The following CIMIP6 variants were observed in gnomAD, a reference collection of about 807,000 sequenced individuals.
CIMIP6 encodes the protein uncharacterized protein C2orf73.
At chr2:54,367,317 C>G in the CIMIP6 span, among the ~76,000 whole-genome samples, 673 of 152,018 alleles carry the variant, frequency 4.4e-3, 6 homozygotes, top group African/African-American at 0.015. Context: ...GGGACTTTTT[C>G]CCTTATAGTT....
At chr2:54,335,105 A>T in the CIMIP6 span, 2 of 1,099,150 alleles carry the variant, frequency 1.8e-6, no homozygotes, top group Non-Finnish European at 2.6e-6. Context: ...ACAGACTATA[A>T]AGGATGAGAC....
chr2:54,375,071 C>G, the CIMIP6 span, among the ~76,000 whole-genome samples: 1 of 152,020 alleles, frequency 6.6e-6, no homozygotes, highest in South Asian at 2.1e-4. Context: ...TTCCAGCTAC[C>G]TTACCAGCAT....
chr2:54,334,938 T>C, the CIMIP6 span: 1 of 1,598,694 alleles, frequency 6.3e-7, no homozygotes, highest in Non-Finnish European at 8.5e-7. Flanking sequence ...AGGACGTATA[T>C]ATTATGCTAA....
At chr2:54,364,155 G>A in the CIMIP6 span, among the ~76,000 whole-genome samples, 1 of 151,974 alleles carries the variant, frequency 6.6e-6, no homozygotes, top group Non-Finnish European at 1.5e-5. Flanking sequence ...AAATGCAAAG[G>A]GTGTGTCTCT....
chr2:54,356,576 A>T, the CIMIP6 span, among the ~76,000 whole-genome samples: 1 of 151,716 alleles, frequency 6.6e-6, no homozygotes, highest in Non-Finnish European at 1.5e-5. Context: ...TTTCCCTTCC[A>T]TGGTTTCCCC....
At chr2:54,366,575 G>A in the CIMIP6 span, among the ~76,000 whole-genome samples, 16 of 152,030 alleles carry the variant, frequency 1.1e-4, no homozygotes, top group African/African-American at 3.9e-4. Flanking sequence ...AGACATAGAC[G>A]CATAATAGTG....
the CIMIP6 span, among the ~76,000 whole-genome samples, chr2:54,362,942 C>T: frequency 6.6e-6 from 1 of 152,168 alleles, no homozygotes; most frequent in Non-Finnish European, 1.5e-5. Flanking sequence ...TATTGGTATG[C>T]CAGTCCATTT....
At chr2:54,364,455 T>A in the CIMIP6 span, among the ~76,000 whole-genome samples, 1 of 152,258 alleles carries the variant, frequency 6.6e-6, no homozygotes, top group Non-Finnish European at 1.5e-5. Flanking sequence ...TGTTAAGTAC[T>A]GAAGCATTTT....
At chr2:54,357,212 CATGTA>C in the CIMIP6 span, among the ~76,000 whole-genome samples, 4 of 152,152 alleles carry the variant, frequency 2.6e-5, no homozygotes, top group Non-Finnish European at 4.4e-5. Flanking sequence ...CATTTTGTAA[CATGTA>C]ATGTATAAGT....
chr2:54,369,765 C>T, the CIMIP6 span, among the ~76,000 whole-genome samples: 1 of 152,142 alleles, frequency 6.6e-6, no homozygotes, highest in Non-Finnish European at 1.5e-5. Flanking sequence ...TTCATCACAC[C>T]AATCACACCA....
the CIMIP6 span, among the ~76,000 whole-genome samples, chr2:54,379,274 A>T: frequency 2.6e-5 from 4 of 152,150 alleles, no homozygotes; most frequent in African/African-American, 7.2e-5. Context: ...CTCCTCATCC[A>T]TGTGGATCAT....
chr2:54,374,613 A>C, the CIMIP6 span, among the ~76,000 whole-genome samples: 1 of 152,248 alleles, frequency 6.6e-6, no homozygotes, highest in African/African-American at 2.4e-5. Context: ...TGTTCCCTTC[A>C]TAGGAATTTT....
At chr2:54,352,542 A>G in the CIMIP6 span, among the ~76,000 whole-genome samples, 2 of 152,146 alleles carry the variant, frequency 1.3e-5, no homozygotes, top group Non-Finnish European at 2.9e-5. Context: ...CCTCACATAC[A>G]TTATTTTTAT....
chr2:54,364,631 C>A, the CIMIP6 span, among the ~76,000 whole-genome samples: 2 of 152,122 alleles, frequency 1.3e-5, no homozygotes, highest in Non-Finnish European at 2.9e-5. Flanking sequence ...TCCATTAATT[C>A]CCAGATGTTA....
the CIMIP6 span, among the ~76,000 whole-genome samples, chr2:54,359,281 C>T: frequency 6.6e-6 from 1 of 152,042 alleles, no homozygotes; most frequent in African/African-American, 2.4e-5. Flanking sequence ...CCCAGCTACT[C>T]AGGTGGGTGA....
chr2:54,336,199 C>T, the CIMIP6 span, among the ~76,000 whole-genome samples: 1 of 152,112 alleles, frequency 6.6e-6, no homozygotes, highest in African/African-American at 2.4e-5. Flanking sequence ...CATGTTACTC[C>T]ATCACAATCA....
chr2:54,382,055 T>G, the CIMIP6 span: 1 of 1,413,692 alleles, frequency 7.1e-7, no homozygotes, highest in South Asian at 1.7e-5. Flanking sequence ...GCTCACTCCC[T>G]AAGTGGCTGA....
chr2:54,377,909 G>A, the CIMIP6 span, among the ~76,000 whole-genome samples: 36,387 of 152,072 alleles, frequency 0.24, 4,823 homozygotes, highest in East Asian at 0.49. Context: ...AGCTGGTAGC[G>A]AATACACTTA....
At chr2:54,359,246 C>A in the CIMIP6 span, among the ~76,000 whole-genome samples, 1 of 151,928 alleles carries the variant, frequency 6.6e-6, no homozygotes, top group Non-Finnish European at 1.5e-5. Flanking sequence ...TAATACTATC[C>A]TGGTATGGTG....
Sources: gnomAD v4.1 joint callset for allele counts (sites outside exome capture counted in the v4.1 genomes callset) on GRCh38, gnomAD v4.1.1 for gene constraint, MANE v1.5 for transcripts, NCBI Gene and HGNC (gene_info 2026-07-23, HGNC 2026-07-21) for gene names.